The following SUFU variants were observed in gnomAD, a reference collection of about 807,000 sequenced individuals.
The protein encoded by SUFU is SUFU negative regulator of hedgehog signaling, also known as suppressor of fused homolog.
Under a neutral mutation model 58.9 loss-of-function variants are expected in SUFU, and 7 were observed. The observed-to-expected ratio is 0.12, with a 90% confidence interval of 0.07 to 0.22. The LOEUF (loss-of-function observed/expected upper bound fraction) is 0.22. Ranked by LOEUF, SUFU falls within the 10% of genes least tolerant of loss-of-function variation. The pLI is 1.00. For missense variants in SUFU, 451 were observed against 641.3 expected, an observed-to-expected ratio of 0.70 and a Z score of 3.20; for synonymous variants, 232 against 254.8, an observed-to-expected ratio of 0.91 and a Z score of 0.85.
intron 6 of SUFU, among the ~76,000 whole-genome samples, chr10:102,595,049 G>A (rs898580151): frequency 2.6e-5 from 4 of 152,122 alleles, no homozygotes; most frequent in Admixed American, 2.0e-4. Context: ...GGCTTCTCTT[G>A]AAGCAGGAGC....
Position 102,633,206 on chromosome 10 carries a change from C to T in SUFU, c.*3051C>T, listed in dbSNP as rs1467913965. On this transcript the variant is annotated 3_prime_UTR_variant, in exon 12 of 12. Transcript: ENST00000369902. Reference sequence around the variant, plus strand: ...AGGACATCCATGCCAGGTGAGGTGCCTGGGTCCCTGTTACAAGTCAGGAGC... The same window carrying T: ...AGGACATCCATGCCAGGTGAGGTGCTTGGGTCCCTGTTACAAGTCAGGAGC... 4.3e-6 allele frequency: 1 copy of T among 233,192 alleles called. No homozygotes were observed. Among genetic ancestry groups the T allele is most frequent in the Non-Finnish European group, 8.5e-6 (1 of 117,930 alleles). The allele number at this position is 233,192 out of a possible 1,614,324, so 14.4% of individuals were successfully genotyped here. A position where few individuals can be genotyped will look rare whatever the true frequency, so the allele number is the denominator to read the frequency against.
intron 8 of SUFU, among the ~76,000 whole-genome samples, chr10:102,613,047 CAGAA>C (rs957783295): frequency 2.6e-5 from 4 of 152,156 alleles, no homozygotes; most frequent in Non-Finnish European, 5.9e-5. Flanking sequence ...CTGCCTCCCT[CAGAA>C]GGAAGGGAGG....
At chr10:102,542,343 G>C (rs2062811684) in intron 2 of SUFU, among the ~76,000 whole-genome samples, 2 of 151,972 alleles carry the variant, frequency 1.3e-5, no homozygotes, top group South Asian at 4.2e-4. Context: ...ATGTTGGTCA[G>C]GCAGGTCTTG....
At chr10:102,533,820 A>G (rs1369246934) in intron 2 of SUFU, among the ~76,000 whole-genome samples, 3 of 152,236 alleles carry the variant, frequency 2.0e-5, no homozygotes, top group East Asian at 1.9e-4. Flanking sequence ...TAACTGAATT[A>G]CATTTGCAAA....
In SUFU at chr10:102,549,949, CT is replaced by C; in HGVS notation, c.318-19del. 1 of 1,614,020 alleles carries C rather than the reference CT, an allele frequency of 6.2e-7. No homozygotes were observed. Among genetic ancestry groups the C allele is most frequent in the Non-Finnish European group, 8.5e-7 (1 of 1,179,984 alleles). ...TCCTAAGGTAATTGAGCTTAAAACA[CT>C]TGCTTTTTATGTCTTTCAGGTTTAC... is the stretch of plus-strand genomic sequence containing the variant. On this transcript the variant is annotated intron_variant, in intron 2 of 11. Transcript: ENST00000369902.
Position 102,629,941 on chromosome 10 carries a change from G to C in SUFU, c.1366-125G>C. ...CCTGGGTCTAGCATTTGAGAATGAA[G>C]CCACGCCTCCCGCGGCCTGTCCTAT... On this transcript the variant is annotated intron_variant, in intron 11 of 11. Transcript: ENST00000369902. This position sits in a 1 kb window ranked among gnomAD's most constrained non-coding sequence, Gnocchi z 4.7. 1.1e-6 allele frequency: 1 copy of C among 892,800 alleles called. No homozygotes were observed. Among genetic ancestry groups the C allele is most frequent in the Non-Finnish European group, 1.9e-6 (1 of 525,332 alleles). 55.3% of individuals were successfully genotyped at this position (892,800 alleles called of 1,614,324 possible).
intron 2 of SUFU, among the ~76,000 whole-genome samples, chr10:102,535,207 C>T (rs2062722665): frequency 6.6e-6 from 1 of 152,154 alleles, no homozygotes; most frequent in Admixed American, 6.5e-5. Flanking sequence ...GACAACAGGG[C>T]CGGGCGCGGT....
intron 2 of SUFU, among the ~76,000 whole-genome samples, chr10:102,527,203 C>T (rs936784534): frequency 1.3e-4 from 20 of 151,888 alleles, no homozygotes; most frequent in South Asian, 2.1e-4. Flanking sequence ...AGGGTTTCAC[C>T]GTGTTAGCCA....
intron 2 of SUFU, among the ~76,000 whole-genome samples, chr10:102,518,101 A>G (rs553831757): frequency 1.3e-5 from 2 of 152,274 alleles, no homozygotes; most frequent in Non-Finnish European, 2.9e-5. Context: ...GAAACTTTAA[A>G]CATATAATTA....
At chr10:102,610,714 G>T (rs933282038) in intron 8 of SUFU, among the ~76,000 whole-genome samples, 1 of 152,178 alleles carries the variant, frequency 6.6e-6, no homozygotes, top group African/African-American at 2.4e-5. Context: ...TATCAGTTTT[G>T]TCAGTGATCT....
intron 1 of SUFU, 116 bp from the exon 2 acceptor site, chr10:102,509,053 C>T (rs1374359472): frequency 5.6e-6 from 8 of 1,439,054 alleles, no homozygotes; most frequent in Non-Finnish European, 7.8e-6. Flanking sequence ...GTTTAGTTAC[C>T]TTTCACCCAG....
chr10:102,592,505 C>T, intron 3 of SUFU, 77 bp from the exon 4 acceptor site: 1 of 1,581,650 alleles, frequency 6.3e-7, no homozygotes, highest in Non-Finnish European at 8.7e-7. Context: ...CCAGCCTGGG[C>T]TAGTGAGATC....
Position 102,630,293 on chromosome 10 carries a change from C to T in SUFU, c.*138C>T, listed in dbSNP as rs2063826618. 2 of 785,672 alleles carry T rather than the reference C, an allele frequency of 2.5e-6. No individual in the cohort carries two copies. The highest frequency in any genetic ancestry group is 4.3e-6 in the Non-Finnish European group (2 of 468,084). 48.7% of individuals were successfully genotyped at this position (785,672 alleles called of 1,614,324 possible). On this transcript the variant is annotated 3_prime_UTR_variant, in exon 12 of 12. Transcript: ENST00000369902. ...GACTGCGCAGTGCCACCCCGCAGCC[C>T]AGTGGGGTGCCATGCACAGGCCACA...
At chr10:102,572,342 C>G in intron 3 of SUFU, among the ~76,000 whole-genome samples, 1 of 151,062 alleles carries the variant, frequency 6.6e-6, no homozygotes, top group East Asian at 1.9e-4. Context: ...TCCCAAAGTG[C>G]TGGGATTACA....
At chr10:102,630,014 G>C (rs1474246810) in intron 11 of SUFU, 52 bp from the exon 12 acceptor site, 2 of 1,531,276 alleles carry the variant, frequency 1.3e-6, no homozygotes, top group Non-Finnish European at 1.8e-6. Context: ...AAAGACCACG[G>C]TGTATTCTGC....
chr10:102,565,575 C>T lies in SUFU; in HGVS notation c.454+15469C>T, dbSNP rs2063078913. 6.6e-5 allele frequency among the ~76,000 whole-genome samples: 10 copies of T among 152,314 alleles called. No individual in the cohort carries two copies. In the South Asian group the frequency reaches 1.7e-3, roughly 25 times the overall value. On this transcript the variant is annotated intron_variant, in intron 3 of 11. Transcript: ENST00000369902. The stretch of plus-strand genomic sequence containing the variant: ...ATTTATTGTTTTTGAGACGGAGTCT[C>T]GCTCTGTCGCCCAGGCTGGAGTGCA...
At position 102,625,890 on chromosome 10, in the gene SUFU, G is replaced by A. The variant is rs548156968; in HGVS notation, c.1297-1285G>A. On this transcript the variant is annotated intron_variant, in intron 10 of 11. Transcript: ENST00000369902. This position sits in a 1 kb window ranked among gnomAD's most constrained non-coding sequence, Gnocchi z 4.7. ...CACTCCTTCCTTGTTATCTCACAGC[G>A]TGGAAACTTTTGTTCTTGGCAGCTG... 3.3e-5 allele frequency among the ~76,000 whole-genome samples: 5 copies of A among 152,190 alleles called. No individual in the cohort carries two copies. The highest frequency in any genetic ancestry group is 4.4e-5 in the Non-Finnish European group (3 of 68,036).
rs141030373 is a variant in SUFU at position 102,519,709 on chromosome 10, A to T, written c.317+10406A>T. ...ATCTCAGTGATCCTTATATCAATGC[A>T]GATAGTCATTTAAAATTTTTTAAAT... On this transcript the variant is annotated intron_variant, in intron 2 of 11. Coordinates refer to ENST00000369902, the MANE Select transcript of SUFU (RefSeq NM_016169.4). Among the ~76,000 whole-genome samples the T allele has an allele frequency of 4.3e-3, 662 of 152,270 alleles. 7 individuals carry two copies. Among genetic ancestry groups the T allele is most frequent in the African/African-American group, 0.015 (630 of 41,554 alleles).
intron 8 of SUFU, 123 bp downstream of exon 8, chr10:102,599,667 T>A (rs2063497927): frequency 2.3e-6 from 2 of 863,398 alleles, no homozygotes; most frequent in Non-Finnish European, 3.8e-6. Context: ...CCAGGATCTC[T>A]AGGCTTAAGG....
Sources: allele counts gnomAD v4.1 joint callset (sites outside exome capture counted in the v4.1 genomes callset), GRCh38; gene constraint gnomAD v4.1.1; non-coding constraint Gnocchi (gnomAD v3.1); transcripts MANE v1.5; gene names NCBI Gene and HGNC (gene_info 2026-07-23, HGNC 2026-07-21).